Variants in OAS3 observed in about 807,000 individuals in gnomAD.
OAS3 encodes 2'-5'-oligoadenylate synthase 3.
OAS3 carries 107 observed loss-of-function variants against 113.0 expected under a neutral mutation model. The observed-to-expected ratio is 0.95, with a 90% CI of 0.81 to 1.11. OAS3 has a LOEUF of 1.11. Ranked by LOEUF, OAS3 falls within the 50% of genes most tolerant of loss-of-function variation. OAS3 has a pLI of 0.00. For missense variants in OAS3, 1,258 were observed against 1,389.1 expected, an observed-to-expected ratio of 0.91 and a Z score of 1.50; for synonymous variants, 552 against 573.6, an observed-to-expected ratio of 0.96 and a Z score of 0.54.
Position 112,948,098 on chromosome 12 carries a change from C to A in OAS3, c.1028C>A (p.Pro343Gln). The change falls in exon 5 of 16, where the codon CCG becomes CAG. Residue 343 changes from proline (P) to glutamine (Q), a missense_variant and splice_region_variant. Transcript: ENST00000228928. ...GACCCAGTGCAGTCTTGGAAGGGGC[C>A]GGTAAGTGAGGGGGCCCCAGGACCC... ...MGDPVQSWKG[P>Q]GLPRAGCSGL... 6.6e-7 allele frequency: 1 copy of A among 1,521,992 alleles called. No individual in the cohort carries two copies. Among genetic ancestry groups the A allele is most frequent in the Non-Finnish European group, 8.8e-7 (1 of 1,136,558 alleles). The allele number at this position is 1,521,992 out of a possible 1,614,324, so 94.3% of individuals were successfully genotyped here. A position where few individuals can be genotyped will look rare whatever the true frequency, so the allele number is the denominator to read the frequency against.
At chr12:112,941,478 C>G in intron 1 of OAS3, 92 bp from the exon 2 acceptor site, 3 of 1,413,070 alleles carry the variant, frequency 2.1e-6, no homozygotes, top group Non-Finnish European at 2.9e-6. Flanking sequence ...CAGTCTCTCC[C>G]CAGCACACTT....
intron 5 of OAS3, 65 bp from the exon 6 acceptor site, chr12:112,948,796 A>C: frequency 7.9e-7 from 1 of 1,267,034 alleles, no homozygotes; most frequent in South Asian, 1.5e-5. Flanking sequence ...CTGGGGAGAG[A>C]AGGCATTGGG....
In OAS3 at chr12:112,971,983, T is replaced by C. The variant is rs930814827; in HGVS notation, c.*2010T>C. 6.6e-6 allele frequency: 1 copy of C among 152,324 alleles called. No homozygotes were observed. Among genetic ancestry groups the C allele is most frequent in the African/African-American group, 2.4e-5 (1 of 41,454 alleles). The allele number at this position is 152,324 out of a possible 1,614,324, so 9.4% of individuals were successfully genotyped here. A position where few individuals can be genotyped will look rare whatever the true frequency, so the allele number is the denominator to read the frequency against. ...CAAACTCCACCTCTTGGATTGGCCC[T>C]GGCTGCTGCCACACACATATCCAAG... On this transcript the variant is annotated 3_prime_UTR_variant, in exon 16 of 16. Transcript: ENST00000228928.
Position 112,964,215 on chromosome 12 carries a change from C to A in OAS3, c.2230-20C>A. The A allele has an allele frequency of 6.4e-7, 1 of 1,566,162 alleles. No individual in the cohort carries two copies. The highest frequency in any genetic ancestry group is 2.4e-5 in the East Asian group (1 of 41,972). ...TGGGAGTCCCGTCTCAAGCTGGCCC[C>A]ACCTGGATTCTCTCTGCAGCCAGCC... On this transcript the variant is annotated intron_variant, in intron 10 of 15. Transcript: ENST00000228928.
In OAS3 at chr12:112,970,106, G is replaced by A; in HGVS notation, c.*133G>A. ...TGTGTGAGCACATGTGTGCATGTGT[G>A]TGCACACGTGTGCATGTGTGTGTTT... On this transcript the variant is annotated 3_prime_UTR_variant, in exon 16 of 16. Transcript: ENST00000228928. The A allele has an allele frequency of 1.0e-6, 1 of 968,928 alleles. No individual in the cohort carries two copies. The highest frequency in any genetic ancestry group is 1.6e-6 in the Non-Finnish European group (1 of 620,794). 60.0% of individuals were successfully genotyped at this position (968,928 alleles called of 1,614,324 possible).
In OAS3 at chr12:112,944,599, G is replaced by T; in HGVS notation, c.584G>T (p.Arg195Leu). ...TELRRNFVNI[R>L]PAKLKNLILL... ...CTGCGGAGGAACTTTGTGAACATTC[G>T]CCCAGCCAAGTTGAAGAACCTAATC... The change falls in exon 3 of 16, where the codon CGC (arginine) becomes CTC (leucine). Residue 195 changes from arginine (R) to leucine (L), a missense_variant. By Grantham distance (102) the Arg-to-Leu change is moderately radical (BLOSUM62 -2). Transcript: ENST00000228928. 6.2e-7 allele frequency: 1 copy of T among 1,614,030 alleles called. No homozygotes were observed. The highest frequency in any genetic ancestry group is 8.5e-7 in the Non-Finnish European group (1 of 1,179,896).
Position 112,954,708 on chromosome 12 carries a change from A to C in OAS3, c.1657+3733A>C, listed in dbSNP as rs911194408. 2.0e-5 allele frequency among the ~76,000 whole-genome samples: 3 copies of C among 152,174 alleles called. No individual in the cohort carries two copies. The highest frequency in any genetic ancestry group is 7.2e-5 in the African/African-American group (3 of 41,434). ...GTCTATATCTCTGTTTTGGTACAGTACCATGCTGTTTTGGTTACTGTAGTA... is the reference window on the plus strand; with the variant it reads ...GTCTATATCTCTGTTTTGGTACAGTCCCATGCTGTTTTGGTTACTGTAGTA... On this transcript the variant is annotated intron_variant, in intron 7 of 15. Transcript: ENST00000228928. This position sits in a 1 kb window ranked among gnomAD's most constrained non-coding sequence, Gnocchi z 4.0.
At chr12:112,952,431 AAGAC>A (rs2043800826) in intron 7 of OAS3, among the ~76,000 whole-genome samples, 1 of 152,232 alleles carries the variant, frequency 6.6e-6, no homozygotes, top group South Asian at 2.1e-4. Flanking sequence ...ACAAAGCTAA[AAGAC>A]AAAAATGAAA....
chr12:112,949,208 G>C lies in OAS3; in HGVS notation c.1374+3G>C. ...ACAAGGCCTCAAGAGTCAGTAAAGT[G>C]AGTTGGGCCAGTGGAGACACAGGGG... On this transcript the variant is annotated splice_donor_region_variant and intron_variant, in intron 6 of 15. Transcript: ENST00000228928. 2 of 1,593,144 alleles carry C rather than the reference G, an allele frequency of 1.3e-6. No individual in the cohort carries two copies. The highest frequency in any genetic ancestry group is 1.7e-6 in the Non-Finnish European group (2 of 1,175,642).
rs2043897015 is a variant in OAS3 at position 112,962,632 on chromosome 12, G to T, written c.1834-20G>T. The T allele has an allele frequency of 6.2e-7, 1 of 1,608,894 alleles. No homozygotes were observed. Among genetic ancestry groups the T allele is most frequent in the Non-Finnish European group, 8.5e-7 (1 of 1,175,802 alleles). ...CACATCCACTAATCACTCATCTTTG[G>T]TTGGCCTTGTGTGACACAGGTTGCG... is the stretch of plus-strand genomic sequence containing the variant. On this transcript the variant is annotated intron_variant, in intron 8 of 15. Transcript: ENST00000228928.
chr12:112,960,748 C>T (rs2043875440), intron 7 of OAS3, among the ~76,000 whole-genome samples: 1 of 152,140 alleles, frequency 6.6e-6, no homozygotes. Flanking sequence ...ACTCCTTTAA[C>T]CACTATGTGA....
chr12:112,942,216 T>C, intron 2 of OAS3: 1 of 478,524 alleles, frequency 2.1e-6, no homozygotes. Context: ...ACCAGAATTC[T>C]GCAAAATCTT....
At chr12:112,953,929 T>C (rs1289778514) in intron 7 of OAS3, among the ~76,000 whole-genome samples, 1 of 152,246 alleles carries the variant, frequency 6.6e-6, no homozygotes, top group East Asian at 1.9e-4. Flanking sequence ...TTTTCTCCCA[T>C]TCTGTAGGTT....
chr12:112,948,107 A>AG lies in OAS3; in HGVS notation c.1029+13dup. Reference sequence around the variant, plus strand: ...CAGTCTTGGAAGGGGCCGGTAAGTGAGGGGGCCCCAGGACCCTTGGGTTTT... The same window carrying AG: ...CAGTCTTGGAAGGGGCCGGTAAGTGAGGGGGGCCCCAGGACCCTTGGGTTTT... On this transcript the variant is annotated intron_variant, in intron 5 of 15. Transcript: ENST00000228928. The AG allele has an allele frequency of 1.3e-6, 2 of 1,516,078 alleles. No homozygotes were observed. The highest frequency in any genetic ancestry group is 2.8e-5 in the African/African-American group (2 of 71,026). The allele number at this position is 1,516,078 out of a possible 1,614,324, so 93.9% of individuals were successfully genotyped here.
chr12:112,957,966 G>A (rs566598882), intron 7 of OAS3, among the ~76,000 whole-genome samples: 7 of 152,080 alleles, frequency 4.6e-5, no homozygotes, highest in Non-Finnish European at 7.3e-5. Context: ...GTCACTTTCC[G>A]GTACACCAAT....
intron 7 of OAS3, among the ~76,000 whole-genome samples, chr12:112,960,653 C>T (rs2043874223): frequency 6.6e-6 from 1 of 152,080 alleles, no homozygotes; most frequent in Non-Finnish European, 1.5e-5. Context: ...TATGATCTCC[C>T]TTTTACAGAT....
Position 112,961,190 on chromosome 12 carries a change from A to T in OAS3, c.1777A>T (p.Ile593Phe). Reference protein sequence around the residue: ...FAELRRNFMNIRPVKLKNLIL... With the variant: ...FAELRRNFMNFRPVKLKNLIL... Reference sequence around the variant, plus strand: ...AGAGCTGCGGAGGAACTTCATGAACATTCGCCCTGTCAAGCTGAAGAACCT... The same window carrying T: ...AGAGCTGCGGAGGAACTTCATGAACTTTCGCCCTGTCAAGCTGAAGAACCT... Residue 593 changes from isoleucine (I) to phenylalanine (F), a missense_variant, in exon 8 of 16, where the codon ATT becomes TTT. Ile to Phe is a conservative substitution (Grantham distance 21). Transcript: ENST00000228928. The T allele has an allele frequency of 6.2e-7, 1 of 1,613,282 alleles. No homozygotes were observed. Among genetic ancestry groups the T allele is most frequent in the Non-Finnish European group, 8.5e-7 (1 of 1,179,908 alleles).
chr12:112,964,109 G>C, intron 10 of OAS3, 126 bp from the exon 11 acceptor site: 2 of 1,002,664 alleles, frequency 2.0e-6, no homozygotes, highest in Non-Finnish European at 2.9e-6. Flanking sequence ...CTACCCACCA[G>C]CTGAGAAGGA....
At chr12:112,964,162 C>T in intron 10 of OAS3, 73 bp from the exon 11 acceptor site, 3 of 1,453,308 alleles carry the variant, frequency 2.1e-6, no homozygotes, top group East Asian at 2.5e-5. Flanking sequence ...CCTCAGAGGA[C>T]ATCAAGGGGC....
Sources: gnomAD v4.1 joint callset for allele counts (sites outside exome capture counted in the v4.1 genomes callset) on GRCh38, gnomAD v4.1.1 for gene constraint, Gnocchi (gnomAD v3.1) non-coding constraint, MANE v1.5 for transcripts, NCBI Gene and HGNC (gene_info 2026-07-23, HGNC 2026-07-21) for gene names.